Variants in GPALPP1 observed in about 807,000 individuals in gnomAD.
The protein encoded by GPALPP1 is GPALPP motifs containing 1.
A neutral mutation model predicts 38.9 loss-of-function variants in GPALPP1; 30 were observed. The observed-to-expected ratio is 0.77, with a 90% CI of 0.58 to 1.05. The LOEUF (loss-of-function observed/expected upper bound fraction) is 1.05. Ranked by LOEUF, GPALPP1 falls within the 50% of genes least tolerant of loss-of-function variation. The pLI is 0.00. For missense variants in GPALPP1, 384 were observed against 408.8 expected, an observed-to-expected ratio of 0.94 and a Z score of 0.52; for synonymous variants, 120 against 139.2, an observed-to-expected ratio of 0.86 and a Z score of 0.97.
chr13:45,009,350 G>C (rs553834871), intron 4 of GPALPP1, among the ~76,000 whole-genome samples: 1 of 152,270 alleles, frequency 6.6e-6, no homozygotes, highest in South Asian at 2.1e-4. Context: ...AAATGACTTT[G>C]GAGTAAAGTA....
chr13:45,013,883 A>G (rs1874649599), intron 4 of GPALPP1, among the ~76,000 whole-genome samples: 1 of 152,154 alleles, frequency 6.6e-6, no homozygotes, highest in Non-Finnish European at 1.5e-5. Context: ...TTTTTTATTA[A>G]AAGAAATAAC....
chr13:44,999,466 A>G (rs139902133), intron 1 of GPALPP1, among the ~76,000 whole-genome samples: 63 of 152,336 alleles, frequency 4.1e-4, no homozygotes, highest in Non-Finnish European at 7.8e-4. Flanking sequence ...TCCCAAAATA[A>G]TTTTTTGAGA....
At chr13:45,014,805 C>T in intron 4 of GPALPP1, 147 bp from the exon 5 acceptor site, 1 of 578,144 alleles carries the variant, frequency 1.7e-6, no homozygotes, top group Non-Finnish European at 2.8e-6. Context: ...AAAAAGTCCT[C>T]ATGGTTCAGT....
chr13:44,989,589 T>A lies in GPALPP1; in HGVS notation c.-66T>A, dbSNP rs575027716. The A allele has an allele frequency of 2.6e-6, 4 of 1,511,756 alleles. 1 individual carries two copies. In the South Asian group the frequency reaches 4.5e-5, roughly 17 times the overall value. The allele number at this position is 1,511,756 out of a possible 1,614,324, so 93.6% of individuals were successfully genotyped here. On this transcript the variant is annotated 5_prime_UTR_variant, in exon 1 of 8. Coordinates refer to ENST00000379151, the MANE Select transcript of GPALPP1 (RefSeq NM_018559.5). ...CCATTCTTCGCTGCTGATCGCGGGA[T>A]TCTTTTTGGATAGGGTTGACGTTCG...
chr13:45,019,090 T>TAC (rs1491550094), intron 6 of GPALPP1, among the ~76,000 whole-genome samples: 4 of 128,602 alleles, frequency 3.1e-5, no homozygotes, highest in African/African-American at 1.3e-4. Flanking sequence ...TAAATATATG[T>TAC]ATATATATTT....
intron 3 of GPALPP1, among the ~76,000 whole-genome samples, chr13:45,006,724 A>G (rs1040322900): frequency 1.3e-5 from 2 of 152,210 alleles, no homozygotes; most frequent in Non-Finnish European, 2.9e-5. Flanking sequence ...CAATTGGACT[A>G]ACTTCTCTGA....
chr13:44,995,202 A>ACACACACACACC lies in GPALPP1; in HGVS notation c.88+5461_88+5462insACACACACACCC, dbSNP rs755761092. 1.9e-3 allele frequency among the ~76,000 whole-genome samples: 102 copies of ACACACACACACC among 54,538 alleles called. 1 individual carries two copies. The East Asian group carries it at 0.074, about 40-fold the overall frequency. 35.8% of individuals were successfully genotyped at this position (54,538 alleles called of 152,430 possible). On this transcript the variant is annotated intron_variant, in intron 1 of 7. Transcript: ENST00000379151. ...CACACACACACACACACACACACAC[A>ACACACACACACC]CCCCTTCTCTTTTGGTTTCTATGAT...
At chr13:45,002,360 G>A (rs1263898735) in intron 1 of GPALPP1, 1 of 152,250 alleles carries the variant, frequency 6.6e-6, no homozygotes, top group East Asian at 1.9e-4. Context: ...CAAAGCATGT[G>A]AAAACTCTGG....
intron 3 of GPALPP1, among the ~76,000 whole-genome samples, chr13:45,007,679 G>C (rs1384996091): frequency 1.3e-5 from 2 of 152,146 alleles, no homozygotes; most frequent in East Asian, 3.9e-4. Context: ...CAGACTTTCT[G>C]ACTGTCAGTA....
intron 2 of GPALPP1, chr13:45,005,086 C>CTTTTTTTTTTTTTTT (rs71759613): frequency 1.7e-5 from 1 of 57,482 alleles, no homozygotes; most frequent in Non-Finnish European, 3.2e-5. Context: ...TAATGGTTTT[C>CTTTTTTTTTTTTTTT]TTTTTTTTTT....
chr13:44,996,806 TTTTC>T (rs1384346508), intron 1 of GPALPP1, among the ~76,000 whole-genome samples: 20 of 147,266 alleles, frequency 1.4e-4, no homozygotes, highest in South Asian at 4.6e-4. Context: ...TTTTTTTTTT[TTTTC>T]CAGTTTTTAA....
chr13:45,034,715 T>A (rs991451712), downstream of GPALPP1: 2 of 151,304 alleles, frequency 1.3e-5, no homozygotes, highest in Non-Finnish European at 2.9e-5. Context: ...AATACTTTTT[T>A]ATTTTTATTT....
chr13:45,021,064 T>C (rs1191323131), intron 7 of GPALPP1, among the ~76,000 whole-genome samples: 1 of 152,190 alleles, frequency 6.6e-6, no homozygotes, highest in Admixed American at 6.5e-5. Flanking sequence ...ATTTATAAAC[T>C]AAACAGTCAG....
chr13:45,006,072 T>C (rs979451162), intron 2 of GPALPP1, 130 bp from the exon 3 acceptor site: 6 of 573,052 alleles, frequency 1.0e-5, no homozygotes, highest in African/African-American at 9.5e-5. Context: ...CAGTTTTTAT[T>C]TGGCAGGATT....
At position 45,002,499 on chromosome 13, in the gene GPALPP1, T is replaced by C. The variant is rs201736376; in HGVS notation, c.89-1806T>C. 6 of 152,200 alleles carry C rather than the reference T, an allele frequency of 3.9e-5. No homozygotes were observed. The East Asian group carries it at 1.2e-3, about 29-fold the overall frequency. 9.4% of individuals were successfully genotyped at this position (152,200 alleles called of 1,614,324 possible). ...GGGAAAGAGAAGTCCAAACTCCTTATTGTAGCCTGTACTAGCATTTATTGA... is the reference window on the plus strand; with the variant it reads ...GGGAAAGAGAAGTCCAAACTCCTTACTGTAGCCTGTACTAGCATTTATTGA... On this transcript the variant is annotated intron_variant, in intron 1 of 7. Transcript: ENST00000379151.
chr13:44,996,007 G>A (rs1231304115), intron 1 of GPALPP1, among the ~76,000 whole-genome samples: 1 of 152,120 alleles, frequency 6.6e-6, no homozygotes, highest in Non-Finnish European at 1.5e-5. Flanking sequence ...TACTAGCAGG[G>A]TACCCAGCAC....
chr13:45,002,426 A>G (rs755958863), intron 1 of GPALPP1: 1 of 152,356 alleles, frequency 6.6e-6, no homozygotes, highest in Non-Finnish European at 1.5e-5. Flanking sequence ...CAACCTGGAC[A>G]ACACAGTGAG....
chr13:45,036,200 A>G (rs1876395020), exon 8 of GPALPP1: 1 of 152,244 alleles, frequency 6.6e-6, no homozygotes, highest in South Asian at 2.1e-4. Context: ...GTGAATGCCT[A>G]AAAGCATTCA....
rs936258691 is a variant in GPALPP1 at position 45,004,325 on chromosome 13, C to G, written c.109C>G (p.Pro37Ala). 1 of 1,612,090 alleles carries G rather than the reference C, an allele frequency of 6.2e-7. No individual in the cohort carries two copies. The highest frequency in any genetic ancestry group is 1.3e-5 in the African/African-American group (1 of 74,932). Residue 37 changes from proline (P) to alanine (A), a missense_variant, in exon 2 of 8, where the codon CCT becomes GCT. Pro to Ala is a conservative substitution (Grantham distance 27). Coordinates refer to ENST00000379151, the MANE Select transcript of GPALPP1 (RefSeq NM_018559.5). ...TTTAGTTGCAGGACCAGCTCTGCCC[C>G]CTAATTATAAAAGCAGTAGTTCAGA... ...PSPVAGPALP[P>A]NYKSSSSDSS...
Sources: allele counts gnomAD v4.1 joint callset (sites outside exome capture counted in the v4.1 genomes callset), GRCh38; gene constraint gnomAD v4.1.1; transcripts MANE v1.5; gene names NCBI Gene and HGNC (gene_info 2026-07-23, HGNC 2026-07-21).